LCLAT1: variants seen among roughly 807,000 people sequenced by gnomAD.
LCLAT1 encodes the protein lysocardiolipin acyltransferase 1.
LCLAT1 carries 11 observed loss-of-function variants against 30.7 expected under a neutral mutation model. The ratio of observed to expected loss-of-function variants is 0.36; its 90% CI spans 0.23 to 0.59. The LOEUF (loss-of-function observed/expected upper bound fraction) is 0.59, where lower values mean the gene tolerates loss of function less well. LCLAT1 is among the 20% of genes least tolerant of loss of function. The probability of loss-of-function intolerance (pLI) is 0.77; values close to 1 mark genes in which losing one functional copy is unlikely to be tolerated. For synonymous variants in LCLAT1, 155 were observed against 151.3 expected (o/e 1.02, Z -0.18); for missense variants, 402 against 458.6 (o/e 0.88, Z 1.13).
In LCLAT1 at chr2:30,448,179, G is replaced by C. The variant is rs984924273; in HGVS notation, c.-5+796G>C. Among the ~76,000 whole-genome samples the C allele has an allele frequency of 2.0e-5, 3 of 152,172 alleles. 1 individual carries two copies. The South Asian group carries it at 6.2e-4, about 32-fold the overall frequency. On this transcript the variant is annotated intron_variant, in intron 1 of 5. Transcript: ENST00000379509. ...GTACATGGCAGTAGATGAGATTAGG[G>C]ATTGAAGTCACTTTAAGTCCAAGAA...
chr2:30,449,501 CTTT>C (rs1200587860), intron 1 of LCLAT1, among the ~76,000 whole-genome samples: 10 of 136,882 alleles, frequency 7.3e-5, no homozygotes, highest in Non-Finnish European at 8.0e-5. Flanking sequence ...TGACTAATTT[CTTT>C]TTTTTTTTTT....
In LCLAT1 at chr2:30,451,479, A is replaced by G. The variant is rs192685632; in HGVS notation, c.-5+4096A>G. 6.0e-4 allele frequency among the ~76,000 whole-genome samples: 92 copies of G among 152,394 alleles called. 1 individual carries two copies. The highest frequency in any genetic ancestry group is 2.1e-3 in the African/African-American group (88 of 41,600). On this transcript the variant is annotated intron_variant, in intron 1 of 5. Coordinates refer to ENST00000379509, the MANE Select transcript of LCLAT1 (RefSeq NM_001002257.3). ...TTTATAGTGCCTTTATTCATAATCA[A>G]AAATTGGATATAACTCAATTGTACA...
rs182702324 is a variant in LCLAT1 at position 30,496,304 on chromosome 2, C to G, written c.-4-29283C>G. Among the ~76,000 whole-genome samples, 1,269 of 152,270 alleles carry G rather than the reference C, an allele frequency of 8.3e-3. 19 individuals carry two copies. The highest frequency in any genetic ancestry group is 0.011 in the Non-Finnish European group (731 of 68,038). ...AGACCCAAACCATATCTGAATCCCT[C>G]TTTCTGAATTAGTTGGTTGGGGGAA... On this transcript the variant is annotated intron_variant, in intron 1 of 5. Coordinates refer to ENST00000379509, the MANE Select transcript of LCLAT1 (RefSeq NM_001002257.3).
chr2:30,578,174 A>G (rs977066403), intron 5 of LCLAT1, among the ~76,000 whole-genome samples: 35 of 152,248 alleles, frequency 2.3e-4, no homozygotes, highest in African/African-American at 7.9e-4. Context: ...CATTGTATAA[A>G]TGTAGTCTGA....
At chr2:30,451,169 T>C (rs1325168194) in intron 1 of LCLAT1, among the ~76,000 whole-genome samples, 1 of 152,240 alleles carries the variant, frequency 6.6e-6, no homozygotes, top group Admixed American at 6.5e-5. Context: ...AATGAGATAC[T>C]GCTATACACC....
rs538011830 is a variant in LCLAT1 at position 30,619,044 on chromosome 2, A to G, written c.629-21073A>G. 3.5e-4 allele frequency among the ~76,000 whole-genome samples: 53 copies of G among 152,286 alleles called. 2 individuals carry two copies. The South Asian group carries it at 0.011, about 31-fold the overall frequency. ...GCTTCTTAATGTTATTTTAGACATG[A>G]GGAATTTAGAAGACCAAGAATAGTA... On this transcript the variant is annotated intron_variant, in intron 5 of 5. Transcript: ENST00000379509.
At chr2:30,627,579 A>G (rs1668572316) in intron 5 of LCLAT1, among the ~76,000 whole-genome samples, 1 of 152,194 alleles carries the variant, frequency 6.6e-6, no homozygotes, top group Non-Finnish European at 1.5e-5. Flanking sequence ...ATCAATAGCT[A>G]TTCAGTTCCT....
At chr2:30,523,782 C>T (rs1322551604) in intron 1 of LCLAT1, among the ~76,000 whole-genome samples, 2 of 152,138 alleles carry the variant, frequency 1.3e-5, no homozygotes, top group Non-Finnish European at 2.9e-5. Flanking sequence ...GCAGGAGAAT[C>T]GCTTGAACCC....
Position 30,495,015 on chromosome 2 carries a change from G to C in LCLAT1, c.-4-30572G>C, listed in dbSNP as rs142405673. Among the ~76,000 whole-genome samples the C allele has an allele frequency of 3.6e-3, 533 of 150,058 alleles. 3 individuals carry two copies. The highest frequency in any genetic ancestry group is 0.013 in the African/African-American group (516 of 40,802). ...GGACATATGGGCTGAATCTTTGCCA[G>C]TCCCAGAGCTTCCTTTTGAACTTGT... On this transcript the variant is annotated intron_variant, in intron 1 of 5. Transcript: ENST00000379509.
intron 3 of LCLAT1, among the ~76,000 whole-genome samples, chr2:30,558,426 C>A (rs1665032683): frequency 6.6e-6 from 1 of 151,796 alleles, no homozygotes; most frequent in African/African-American, 2.4e-5. Context: ...ATGGCAAAAC[C>A]CCGTCTCTAC....
intron 1 of LCLAT1, among the ~76,000 whole-genome samples, chr2:30,503,671 A>AT (rs1420382773): frequency 6.6e-6 from 1 of 152,212 alleles, no homozygotes; most frequent in Non-Finnish European, 1.5e-5. Flanking sequence ...AAATGGTGAT[A>AT]TTTTTAAAAG....
intron 3 of LCLAT1, among the ~76,000 whole-genome samples, chr2:30,543,176 C>T (rs766309427): frequency 3.3e-5 from 5 of 151,932 alleles, no homozygotes; most frequent in East Asian, 3.9e-4. Flanking sequence ...TATCATAAAA[C>T]GGTGTCAAAT....
At chr2:30,635,724 A>G (rs1440208102) in intron 5 of LCLAT1, among the ~76,000 whole-genome samples, 1 of 152,226 alleles carries the variant, frequency 6.6e-6, no homozygotes, top group Non-Finnish European at 1.5e-5. Context: ...TAGAAATTGT[A>G]GTAGATGCTA....
chr2:30,468,955 A>G (rs777443703), intron 1 of LCLAT1, among the ~76,000 whole-genome samples: 1 of 152,164 alleles, frequency 6.6e-6, no homozygotes. Flanking sequence ...GCTAGTGGGT[A>G]TATAGTGATA....
intron 1 of LCLAT1, among the ~76,000 whole-genome samples, chr2:30,473,360 G>A (rs1682892272): frequency 6.6e-6 from 1 of 152,150 alleles, no homozygotes; most frequent in Admixed American, 6.5e-5. Context: ...TTTCTTTTAA[G>A]TTAGTGTCCT....
intron 3 of LCLAT1, among the ~76,000 whole-genome samples, chr2:30,546,144 T>C (rs1472909370): frequency 6.6e-6 from 1 of 152,212 alleles, no homozygotes; most frequent in Non-Finnish European, 1.5e-5. Flanking sequence ...GCATGGCCTC[T>C]GATGAATGCT....
At chr2:30,634,542 C>G (rs1303267887) in intron 5 of LCLAT1, among the ~76,000 whole-genome samples, 1 of 152,202 alleles carries the variant, frequency 6.6e-6, no homozygotes, top group Admixed American at 6.5e-5. Flanking sequence ...AGGAGAATCA[C>G]TTGAACCCAG....
intron 3 of LCLAT1, among the ~76,000 whole-genome samples, chr2:30,558,942 A>G (rs892024745): frequency 2.6e-5 from 4 of 152,118 alleles, no homozygotes; most frequent in African/African-American, 9.6e-5. Context: ...TATACAAGGA[A>G]TCTTCATAAG....
At chr2:30,575,267 T>TG (rs955508655) in intron 5 of LCLAT1, among the ~76,000 whole-genome samples, 61 of 150,688 alleles carry the variant, frequency 4.0e-4, no homozygotes, top group African/African-American at 1.0e-3. Flanking sequence ...CTTTTTTTTT[T>TG]GTCCATCTCT....
Sources: allele counts gnomAD v4.1 joint callset (sites outside exome capture counted in the v4.1 genomes callset), GRCh38; gene constraint gnomAD v4.1.1; transcripts MANE v1.5; gene names NCBI Gene and HGNC (gene_info 2026-07-23, HGNC 2026-07-21).